DDAH1: variants seen among roughly 807,000 people sequenced by gnomAD.
The protein encoded by DDAH1 is N(G),N(G)-dimethylarginine dimethylaminohydrolase 1.
In DDAH1, 19 loss-of-function variants were observed where a neutral mutation model predicts 28.8. The observed-to-expected ratio is 0.66, with a 90% CI of 0.46 to 0.97. The LOEUF (loss-of-function observed/expected upper bound fraction) is 0.97, where lower values mean the gene tolerates loss of function less well. DDAH1 is among the 50% of genes least tolerant of loss of function. The pLI is 0.00. For synonymous variants in DDAH1, 153 were observed against 154.4 expected (o/e 0.99, Z 0.07); for missense variants, 326 against 375.9 (o/e 0.87, Z 1.10).
intron 1 of DDAH1, among the ~76,000 whole-genome samples, chr1:85,509,780 G>C (rs12135575): frequency 0.14 from 21,086 of 152,058 alleles, 1,637 homozygotes; most frequent in Admixed American, 0.24. Flanking sequence ...GAGACGACAA[G>C]GTTAGAGAAA....
chr1:85,355,155 G>C (rs1005701799), intron 2 of DDAH1, among the ~76,000 whole-genome samples: 4 of 152,002 alleles, frequency 2.6e-5, no homozygotes, highest in African/African-American at 9.7e-5. Context: ...ACTTAAAACA[G>C]ATAAAATCTT....
At chr1:85,555,203 C>A (rs1335554256) in intron 1 of DDAH1, among the ~76,000 whole-genome samples, 1 of 152,202 alleles carries the variant, frequency 6.6e-6, no homozygotes, top group Admixed American at 6.5e-5. Context: ...AAGAAAGAAA[C>A]CTCCTTGAAT....
intron 1 of DDAH1, among the ~76,000 whole-genome samples, chr1:85,410,596 A>T (rs1324115919): frequency 2.0e-5 from 3 of 148,448 alleles, no homozygotes; most frequent in African/African-American, 7.5e-5. Context: ...CCGAGATGGC[A>T]CCATTGCACT....
chr1:85,465,233 G>C, upstream of DDAH1: 3 of 1,105,782 alleles, frequency 2.7e-6, no homozygotes, highest in Non-Finnish European at 3.3e-6. Context: ...CCGGGCGCCG[G>C]CCCGCGCGCA....
At chr1:85,400,651 A>C (rs1011406370) in intron 1 of DDAH1, among the ~76,000 whole-genome samples, 5 of 152,182 alleles carry the variant, frequency 3.3e-5, no homozygotes, top group African/African-American at 1.2e-4. Context: ...CCCCAGGAAG[A>C]AATTTTTCTC....
chr1:85,553,230 TC>T (rs2100796699), intron 1 of DDAH1, among the ~76,000 whole-genome samples: 1 of 152,246 alleles, frequency 6.6e-6, no homozygotes, highest in African/African-American at 2.4e-5. Context: ...CTTAGTCATC[TC>T]CAGGAGGAAC....
chr1:85,578,123 T>C, exon 1 of DDAH1: 1 of 408,470 alleles, frequency 2.4e-6, no homozygotes, highest in Non-Finnish European at 3.3e-6. Context: ...GCTGTTTCTC[T>C]TGCCTAATGT....
At chr1:85,483,211 CAA>C (rs57500608) in intron 2 of DDAH1, among the ~76,000 whole-genome samples, 64 of 96,890 alleles carry the variant, frequency 6.6e-4, no homozygotes, top group Middle Eastern at 7.1e-3. Context: ...GAGACTATCT[CAA>C]AAAAAAAAAA....
intron 1 of DDAH1, among the ~76,000 whole-genome samples, chr1:85,551,560 A>G (rs1414561694): frequency 4.6e-5 from 7 of 152,250 alleles, no homozygotes; most frequent in African/African-American, 1.7e-4. Flanking sequence ...TGTAACATTT[A>G]CTGATCACCT....
intron 2 of DDAH1, among the ~76,000 whole-genome samples, chr1:85,485,140 CG>C (rs1557681793): frequency 6.6e-6 from 1 of 152,080 alleles, no homozygotes; most frequent in Non-Finnish European, 1.5e-5. Context: ...TAATGCTGTG[CG>C]GGTGCCACAG....
chr1:85,443,471 G>A (rs1327998390), intron 1 of DDAH1, among the ~76,000 whole-genome samples: 1 of 152,162 alleles, frequency 6.6e-6, no homozygotes, highest in Admixed American at 6.5e-5. Context: ...GATGCCTCCA[G>A]CTTTGTTCTT....
intron 2 of DDAH1, among the ~76,000 whole-genome samples, chr1:85,355,303 A>G (rs1249550929): frequency 3.3e-5 from 5 of 152,190 alleles, no homozygotes; most frequent in African/African-American, 1.2e-4. Context: ...ATATAATTCA[A>G]ATAGTATTGA....
At chr1:85,534,566 G>T (rs1366361263) in intron 1 of DDAH1, among the ~76,000 whole-genome samples, 4 of 152,112 alleles carry the variant, frequency 2.6e-5, no homozygotes, top group Middle Eastern at 3.4e-3. Flanking sequence ...ACTAGGAGAG[G>T]TATCATTATT....
chr1:85,418,188 T>C (rs984630985), intron 1 of DDAH1, among the ~76,000 whole-genome samples: 3 of 152,182 alleles, frequency 2.0e-5, no homozygotes, highest in Non-Finnish European at 4.4e-5. Context: ...AAACATACAT[T>C]TGATTCAGCA....
In DDAH1 at chr1:85,464,551, C is replaced by T; in HGVS notation, c.303+192G>A. On this transcript the variant is annotated intron_variant, in intron 1 of 5. Coordinates refer to ENST00000284031, the MANE Select transcript of DDAH1 (RefSeq NM_012137.4). The surrounding 1 kb of genome is among the most constrained non-coding windows in gnomAD (Gnocchi z 4.4). The stretch of plus-strand genomic sequence containing the variant: ...GGATCCTCCAGAAGGCTGCCGGCAG[C>T]CGGGAGGTGTGAACAATGAACTTCT... 6 of 1,530,036 alleles carry T rather than the reference C, an allele frequency of 3.9e-6. No individual in the cohort carries two copies. The highest frequency in any genetic ancestry group is 5.2e-6 in the Non-Finnish European group (6 of 1,143,874). 94.8% of individuals were successfully genotyped at this position (1,530,036 alleles called of 1,614,324 possible).
chr1:85,476,509 G>T (rs1197853982), intron 2 of DDAH1, among the ~76,000 whole-genome samples: 1 of 151,882 alleles, frequency 6.6e-6, no homozygotes, highest in Non-Finnish European at 1.5e-5. Context: ...CTCCACACAG[G>T]TCCCTTCTTC....
At position 85,450,563 on chromosome 1, in the gene DDAH1, C is replaced by T. The variant is rs114056654; in HGVS notation, c.303+14180G>A. Reference sequence around the variant, plus strand: ...CCATAAATAATAATGTTACTATTACCATACGTACAATCCTTCACTCATCAT... The same window carrying T: ...CCATAAATAATAATGTTACTATTACTATACGTACAATCCTTCACTCATCAT... On this transcript the variant is annotated intron_variant, in intron 1 of 5. Coordinates refer to ENST00000284031, the MANE Select transcript of DDAH1 (RefSeq NM_012137.4). 7.8e-3 allele frequency among the ~76,000 whole-genome samples: 1,192 copies of T among 152,270 alleles called. 23 individuals are homozygous for T. Among genetic ancestry groups the T allele is most frequent in the African/African-American group, 0.026 (1,100 of 41,546 alleles).
chr1:85,471,137 G>T (rs1285443813), intron 2 of DDAH1, among the ~76,000 whole-genome samples: 1 of 152,200 alleles, frequency 6.6e-6, no homozygotes, highest in African/African-American at 2.4e-5. Flanking sequence ...AGAGATTGGG[G>T]TATTTATTTC....
upstream of DDAH1, among the ~76,000 whole-genome samples, chr1:85,466,726 A>T (rs987444623): frequency 2.0e-5 from 3 of 151,896 alleles, no homozygotes; most frequent in Non-Finnish European, 4.4e-5. Context: ...GTGTCCTCAG[A>T]TGGAGGATTT....
Sources: allele counts gnomAD v4.1 joint callset (sites outside exome capture counted in the v4.1 genomes callset), GRCh38; gene constraint gnomAD v4.1.1; non-coding constraint Gnocchi (gnomAD v3.1); transcripts MANE v1.5; gene names NCBI Gene and HGNC (gene_info 2026-07-23, HGNC 2026-07-21).